SDK1: variants seen among roughly 807,000 people sequenced by gnomAD.
SDK1 encodes the protein sidekick cell adhesion molecule 1, also known as protein sidekick-1.
Under a neutral mutation model 245.5 loss-of-function variants are expected in SDK1, and 157 were observed. The observed-to-expected ratio is 0.64, with a 90% confidence interval of 0.56 to 0.73. SDK1 has a LOEUF of 0.73. Among genes scored for constraint, SDK1 ranks in the 30% least tolerant of loss-of-function variants. The probability of loss-of-function intolerance (pLI) is 0.00; values close to 1 mark genes in which losing one functional copy is unlikely to be tolerated. For missense variants in SDK1, 3,583 were observed against 3,002.3 expected, an observed-to-expected ratio of 1.19 and a Z score of -4.52; for synonymous variants, 1,647 against 1,278.5, an observed-to-expected ratio of 1.29 and a Z score of -6.15.
At chr7:4,083,767 C>T (rs112007811) in intron 22 of SDK1, among the ~76,000 whole-genome samples, 13 of 2,434 alleles carry the variant, frequency 5.3e-3, no homozygotes, top group African/African-American at 0.018. Flanking sequence ...GTCTCCCTCC[C>T]TCCCTTCTTT....
At position 3,811,558 on chromosome 7, in the gene SDK1, A is replaced by G. The variant is rs12113225; in HGVS notation, c.714-9892A>G. 8.5e-3 allele frequency among the ~76,000 whole-genome samples: 1,294 copies of G among 152,298 alleles called. 17 individuals are homozygous for G. The highest frequency in any genetic ancestry group is 0.027 in the African/African-American group (1,140 of 41,554). On this transcript the variant is annotated intron_variant, in intron 4 of 44. Transcript: ENST00000404826. ...TTGGGCTTTAATTCAGAGACCGACA[A>G]TATGCACCCAGGCAGATGTCCCTCT...
chr7:3,867,672 C>T (rs992425622), intron 5 of SDK1, among the ~76,000 whole-genome samples: 8 of 152,178 alleles, frequency 5.3e-5, no homozygotes, highest in Admixed American at 3.9e-4. Flanking sequence ...TACCTCCCAC[C>T]AGGTCCCTCC....
intron 1 of SDK1, among the ~76,000 whole-genome samples, chr7:3,408,068 C>T (rs989011088): frequency 4.0e-5 from 6 of 151,894 alleles, no homozygotes; most frequent in African/African-American, 1.4e-4. Context: ...GAAGTAGAGT[C>T]TTGCTGTCAC....
At chr7:3,370,254 G>A (rs933272679) in intron 1 of SDK1, among the ~76,000 whole-genome samples, 2 of 152,188 alleles carry the variant, frequency 1.3e-5, no homozygotes, top group Non-Finnish European at 2.9e-5. Context: ...TATCAGACAA[G>A]TGGTGTTTTT....
intron 5 of SDK1, among the ~76,000 whole-genome samples, chr7:3,848,114 C>T (rs1039766288): frequency 2.6e-5 from 4 of 152,166 alleles, no homozygotes; most frequent in African/African-American, 4.8e-5. Context: ...AATTCCATCT[C>T]GAGCTGTTAT....
chr7:3,950,359 TC>T (rs1780753915), intron 5 of SDK1, among the ~76,000 whole-genome samples: 1 of 152,216 alleles, frequency 6.6e-6, no homozygotes, highest in Non-Finnish European at 1.5e-5. Flanking sequence ...CATGCTCCGA[TC>T]ATCCCATCTT....
chr7:3,390,327 T>G (rs1038733076), intron 1 of SDK1, among the ~76,000 whole-genome samples: 6 of 152,304 alleles, frequency 3.9e-5, no homozygotes, highest in African/African-American at 1.4e-4. Flanking sequence ...TAAAAGAGTT[T>G]AGCTTTGCTC....
intron 13 of SDK1, among the ~76,000 whole-genome samples, chr7:3,979,340 T>C (rs781011828): frequency 2.6e-5 from 4 of 152,206 alleles, no homozygotes; most frequent in Admixed American, 6.5e-5. Context: ...TGTTCCCCCC[T>C]TTCCTAACAG....
At chr7:3,379,162 A>T (rs1183017749) in intron 1 of SDK1, among the ~76,000 whole-genome samples, 2 of 152,120 alleles carry the variant, frequency 1.3e-5, no homozygotes, top group African/African-American at 4.8e-5. Context: ...CTAGAAATTT[A>T]ATCTGTTCCA....
At chr7:4,134,696 C>T (rs569107235) in intron 28 of SDK1, 1 of 152,502 alleles carries the variant, frequency 6.6e-6, no homozygotes, top group South Asian at 2.1e-4. Flanking sequence ...CTCGGTAGAC[C>T]CTCCCGGCAA....
chr7:4,145,872 G>T lies in SDK1; in HGVS notation c.4379G>T (p.Trp1460Leu), dbSNP rs765873612. ...CTGTCCGCCAAGACGAGGCAGGGCT[G>T]GGGGGAGCCACTGGAGGCCACCGTC... is the stretch of plus-strand genomic sequence containing the variant. ...FRLSAKTRQGWGEPLEATVIT... is the reference protein window; with the variant it reads ...FRLSAKTRQGLGEPLEATVIT... Residue 1460 changes from tryptophan to leucine, a missense_variant, in exon 29 of 45, where the codon TGG (tryptophan) becomes TTG (leucine). By Grantham distance (61) the Trp-to-Leu change is moderately conservative. Transcript: ENST00000404826. The T allele has an allele frequency of 1.2e-5, 20 of 1,612,750 alleles. No homozygotes were observed. The highest frequency in any genetic ancestry group is 5.3e-5 in the African/African-American group (4 of 74,832).
intron 17 of SDK1, among the ~76,000 whole-genome samples, chr7:4,034,339 T>A (rs1788058349): frequency 6.6e-6 from 1 of 152,166 alleles, no homozygotes; most frequent in African/African-American, 2.4e-5. Flanking sequence ...AACCGTAGAT[T>A]AGATGGCAGT....
chr7:3,921,772 C>G (rs1236810991), intron 5 of SDK1, among the ~76,000 whole-genome samples: 2 of 151,918 alleles, frequency 1.3e-5, no homozygotes, highest in Admixed American at 1.3e-4. Flanking sequence ...TCAAGAGCAG[C>G]CTGGGCAATA....
At chr7:4,196,558 C>T (rs1783588840) in intron 35 of SDK1, among the ~76,000 whole-genome samples, 1 of 152,222 alleles carries the variant, frequency 6.6e-6, no homozygotes, top group South Asian at 2.1e-4. Flanking sequence ...CGTAACTCTC[C>T]TCTCCACTGT....
chr7:3,459,604 T>C (rs952077374), intron 1 of SDK1, among the ~76,000 whole-genome samples: 1 of 152,220 alleles, frequency 6.6e-6, no homozygotes, highest in Non-Finnish European at 1.5e-5. Context: ...GTCTGTAGAA[T>C]GTATTGGCTC....
intron 4 of SDK1, among the ~76,000 whole-genome samples, chr7:3,707,609 TTCTC>T (rs1784928999): frequency 6.6e-6 from 1 of 152,186 alleles, no homozygotes; most frequent in Admixed American, 6.5e-5. Context: ...TTCGTTGACT[TTCTC>T]TCTTGATTGT....
chr7:3,357,564 C>T (rs1282007343), intron 1 of SDK1, among the ~76,000 whole-genome samples: 2 of 151,104 alleles, frequency 1.3e-5, no homozygotes, highest in Non-Finnish European at 3.0e-5. Context: ...CCCAGGCTAG[C>T]CTTGAACACC....
intron 4 of SDK1, among the ~76,000 whole-genome samples, chr7:3,703,671 C>T (rs941373560): frequency 2.6e-5 from 4 of 152,094 alleles, no homozygotes; most frequent in Non-Finnish European, 4.4e-5. Context: ...GGGTAAAGGG[C>T]GCCTGATTTT....
chr7:4,060,515 G>T (rs968332669), intron 19 of SDK1, among the ~76,000 whole-genome samples: 5 of 151,850 alleles, frequency 3.3e-5, no homozygotes, highest in Non-Finnish European at 2.9e-5. Flanking sequence ...AAATTTGTTT[G>T]AGTTCATTGT....
Sources: allele counts gnomAD v4.1 joint callset (sites outside exome capture counted in the v4.1 genomes callset), GRCh38; gene constraint gnomAD v4.1.1; transcripts MANE v1.5; gene names NCBI Gene and HGNC (gene_info 2026-07-23, HGNC 2026-07-21).